Variants in ITPKB observed in about 807,000 individuals in gnomAD.
The protein encoded by ITPKB is inositol-trisphosphate 3-kinase B, also known as IP3 3-kinase B.
In ITPKB, 13 loss-of-function variants were observed where a neutral mutation model predicts 69.4. The ratio of observed to expected loss-of-function variants is 0.19; its 90% CI spans 0.12 to 0.30. ITPKB has a LOEUF of 0.30. Among genes scored for constraint, ITPKB ranks in the 10% least tolerant of loss-of-function variants. ITPKB has a pLI of 1.00. For missense variants in ITPKB, 1,240 were observed against 1,250.5 expected (o/e 0.99, Z 0.13); for synonymous variants, 584 against 513.7 (o/e 1.14, Z -1.85).
intron 2 of ITPKB, among the ~76,000 whole-genome samples, chr1:226,732,521 A>G (rs1657620244): frequency 6.6e-6 from 1 of 151,060 alleles, no homozygotes; most frequent in African/African-American, 2.4e-5. Flanking sequence ...TACAGGCATG[A>G]GCCACCGTGC....
chr1:226,703,802 G>C (rs936087142), intron 2 of ITPKB, among the ~76,000 whole-genome samples: 4 of 152,248 alleles, frequency 2.6e-5, no homozygotes, highest in African/African-American at 9.6e-5. Flanking sequence ...TCCGGCTTGG[G>C]AGAAAGGATG....
At chr1:226,698,759 C>A (rs1571863674) in intron 2 of ITPKB, among the ~76,000 whole-genome samples, 2 of 152,246 alleles carry the variant, frequency 1.3e-5, no homozygotes, top group Non-Finnish European at 2.9e-5. Flanking sequence ...GAGCTCAGCT[C>A]TGGACTGGCT....
chr1:226,680,336 G>A (rs1453414867), intron 2 of ITPKB, among the ~76,000 whole-genome samples: 3 of 152,226 alleles, frequency 2.0e-5, no homozygotes, highest in Admixed American at 1.3e-4. Flanking sequence ...AGGTTTGAAA[G>A]ACAGCTTAGA....
chr1:226,724,631 A>G (rs1657351923), intron 2 of ITPKB, among the ~76,000 whole-genome samples: 1 of 152,202 alleles, frequency 6.6e-6, no homozygotes, highest in African/African-American at 2.4e-5. Flanking sequence ...CTAGGGTCAC[A>G]CAGATAGGAA....
At chr1:226,712,355 C>T (rs1558093299) in intron 2 of ITPKB, among the ~76,000 whole-genome samples, 2 of 152,198 alleles carry the variant, frequency 1.3e-5, no homozygotes, top group Non-Finnish European at 2.9e-5. Flanking sequence ...AGGCACAGTC[C>T]TGATCCTAGG....
At position 226,639,428 on chromosome 1, in the gene ITPKB, C is replaced by T. The variant is rs1461793834; in HGVS notation, c.2553+129G>A. ...TCTGCCAGTGGCCTCTCTACAGAGC[C>T]CTACGAACTCGGGCTGGGGTGTGCT... On this transcript the variant is annotated intron_variant, in intron 6 of 7. Transcript: ENST00000429204. 3.1e-5 allele frequency: 21 copies of T among 683,440 alleles called. 1 individual carries two copies. The Admixed American group carries it at 4.2e-4, about 14-fold the overall frequency. The allele number at this position is 683,440 out of a possible 1,614,324, so 42.3% of individuals were successfully genotyped here. A position where few individuals can be genotyped will look rare whatever the true frequency, so the allele number is the denominator to read the frequency against.
intron 2 of ITPKB, among the ~76,000 whole-genome samples, chr1:226,734,021 G>A (rs1379496029): frequency 6.6e-6 from 1 of 152,214 alleles, no homozygotes; most frequent in Non-Finnish European, 1.5e-5. Context: ...GGAGGGATGG[G>A]ACGGGGGACC....
rs150791750 is a variant in ITPKB at position 226,654,400 on chromosome 1, C to T, written c.1933-5629G>A. Among the ~76,000 whole-genome samples the T allele has an allele frequency of 2.8e-4, 43 of 152,278 alleles. 1 individual carries two copies. The East Asian group carries it at 7.5e-3, about 27-fold the overall frequency. On this transcript the variant is annotated intron_variant, in intron 2 of 7. Transcript: ENST00000429204. The stretch of plus-strand genomic sequence containing the variant: ...ACGTCACCTGGGAGTAGGAAGCCCT[C>T]GCCTTGGGGAAGCTCAGGGCATGCC...
intron 2 of ITPKB, among the ~76,000 whole-genome samples, chr1:226,655,397 C>A (rs1669270269): frequency 6.6e-6 from 1 of 152,186 alleles, no homozygotes; most frequent in Non-Finnish European, 1.5e-5. Flanking sequence ...TAGGAGACAG[C>A]AGGTGACCCC....
rs771369034 is a variant in ITPKB, at chr1:226,737,378, C to T, written c.81G>A (p.Gly27=). Residue 27 remains glycine (G), a synonymous_variant, in exon 2 of 8, where the codon GGG becomes GGA. Transcript: ENST00000429204. Reference sequence around the variant, plus strand: ...GCGGGGGCGTCTCGCTGCCACTGGGCCCCGGGCCGCCGCCGCTCTTCATCT... The same window carrying T: ...GCGGGGGCGTCTCGCTGCCACTGGGTCCCGGGCCGCCGCCGCTCTTCATCT... ...ANEMKSGGGP[G]PSGSETPPPP... The T allele has an allele frequency of 3.1e-6, 5 of 1,609,268 alleles. No homozygotes were observed. The South Asian group carries it at 5.5e-5, about 18-fold the overall frequency.
At chr1:226,737,953 G>C (rs905009721) in intron 1 of ITPKB, among the ~76,000 whole-genome samples, 1 of 152,186 alleles carries the variant, frequency 6.6e-6, no homozygotes, top group Non-Finnish European at 1.5e-5. Context: ...GCGGACCGGC[G>C]AGAAGCGAGG....
chr1:226,683,718 T>C (rs1480831664), intron 2 of ITPKB, among the ~76,000 whole-genome samples: 1 of 152,098 alleles, frequency 6.6e-6, no homozygotes, highest in Non-Finnish European at 1.5e-5. Flanking sequence ...GAGCAACACA[T>C]CATTCCCTCT....
At position 226,737,038 on chromosome 1, in the gene ITPKB, C is replaced by T. The variant is rs751729437; in HGVS notation, c.421G>A (p.Val141Met). ...LRILQRELQN[V>M]QVNQKVGMFE... The stretch of plus-strand genomic sequence containing the variant: ...ATGCCCACTTTCTGGTTCACCTGCA[C>T]GTTCTGCAACTCGCGCTGCAAGATC... The change falls in exon 2 of 8, where the codon GTG (valine) becomes ATG (methionine). Residue 141 changes from valine to methionine, a missense_variant. Physicochemically the swap from Val to Met is conservative, Grantham distance 21. This residue lies in a region of ITPKB where 992 missense variants were observed against 853.8 expected (regional missense o/e 1.16). Transcript: ENST00000429204. 6.2e-7 allele frequency: 1 copy of T among 1,612,466 alleles called. No individual in the cohort carries two copies.
chr1:226,683,237 G>A (rs959998051), intron 2 of ITPKB, among the ~76,000 whole-genome samples: 7 of 152,196 alleles, frequency 4.6e-5, no homozygotes, highest in Non-Finnish European at 1.5e-5. Context: ...TTCGTGCTTT[G>A]AGCAGCCCAG....
At position 226,701,630 on chromosome 1, in the gene ITPKB, A is replaced by C. The variant is rs932090052; in HGVS notation, c.1932+33897T>G. Among the ~76,000 whole-genome samples the C allele has an allele frequency of 1.6e-4, 24 of 150,698 alleles. No individual in the cohort carries two copies. In the East Asian group the frequency reaches 3.7e-3, roughly 23 times the overall value. ...AAAAAAAAAAAAAAAAAAAAAAAAA[A>C]ACTTCACTTTACCCATTTTCTCCAA... is the stretch of plus-strand genomic sequence containing the variant. On this transcript the variant is annotated intron_variant, in intron 2 of 7. Coordinates refer to ENST00000429204, the MANE Select transcript of ITPKB (RefSeq NM_002221.4).
chr1:226,700,064 G>C (rs534592061), intron 2 of ITPKB, among the ~76,000 whole-genome samples: 1 of 152,080 alleles, frequency 6.6e-6, no homozygotes, highest in Non-Finnish European at 1.5e-5. Flanking sequence ...ATCTGCACTC[G>C]CAGCTAATTA....
chr1:226,635,205 T>TTTTCCTTCCTTTC lies in ITPKB; in HGVS notation c.2626-332_2626-320dup, dbSNP rs1668806306. ...CTTTCCTTCCTTCCTGCCTTCCTTC[T>TTTTCCTTCCTTTC]TTTCCTTCCTTTCTTCCCTTCCTTC... On this transcript the variant is annotated intron_variant, in intron 7 of 7. Coordinates refer to ENST00000429204, the MANE Select transcript of ITPKB (RefSeq NM_002221.4). 2.0e-5 allele frequency among the ~76,000 whole-genome samples: 3 copies of TTTTCCTTCCTTTC among 151,988 alleles called. No homozygotes were observed. The South Asian group carries it at 6.2e-4, about 32-fold the overall frequency.
chr1:226,678,645 A>C (rs1159618133), intron 2 of ITPKB, among the ~76,000 whole-genome samples: 4 of 152,358 alleles, frequency 2.6e-5, no homozygotes, highest in Middle Eastern at 3.4e-3. Flanking sequence ...ACTAAACACT[A>C]CCTAAGTGTT....
rs575050418 is a variant in ITPKB at position 226,730,479 on chromosome 1, C to T, written c.1932+5048G>A. Reference sequence around the variant, plus strand: ...TCTACCCAGTGAGGAAAAGAAAAATCACAGCAAGGCCTTGTCATGGAGTTG... The same window carrying T: ...TCTACCCAGTGAGGAAAAGAAAAATTACAGCAAGGCCTTGTCATGGAGTTG... On this transcript the variant is annotated intron_variant, in intron 2 of 7. Coordinates refer to ENST00000429204, the MANE Select transcript of ITPKB (RefSeq NM_002221.4). Among the ~76,000 whole-genome samples, 3 of 152,204 alleles carry T rather than the reference C, an allele frequency of 2.0e-5. No homozygotes were observed. The South Asian group carries it at 6.2e-4, about 32-fold the overall frequency.
Sources: allele counts gnomAD v4.1 joint callset (sites outside exome capture counted in the v4.1 genomes callset), GRCh38; gene constraint gnomAD v4.1.1; regional missense constraint gnomAD v4.1.1; transcripts MANE v1.5; gene names NCBI Gene and HGNC (gene_info 2026-07-23, HGNC 2026-07-21).